Variants in EMB observed in about 807,000 individuals in gnomAD.
EMB encodes embigin homolog.
In EMB, 31 loss-of-function variants were observed where a neutral mutation model predicts 41.4. That is an observed-to-expected ratio of 0.75 (90% CI 0.56 to 1.01). The LOEUF is 1.01. EMB is among the 50% of genes least tolerant of loss of function. The pLI is 0.00. For synonymous variants in EMB, 137 were observed against 140.4 expected (o/e 0.98, Z 0.17); for missense variants, 379 against 388.3 (o/e 0.98, Z 0.20).
In EMB at chr5:50,405,834, T is replaced by C; in HGVS notation, c.491A>G (p.Lys164Arg). The C allele has an allele frequency of 1.3e-6, 2 of 1,585,616 alleles. No homozygotes were observed. Among genetic ancestry groups the C allele is most frequent in the Non-Finnish European group, 1.7e-6 (2 of 1,170,486 alleles). The change falls in exon 5 of 9, where the codon AAA becomes AGA. Residue 164 changes from lysine to arginine, a missense_variant. Physicochemically the swap from Lys to Arg is conservative, Grantham distance 26 (BLOSUM62 2). Coordinates refer to ENST00000303221, the MANE Select transcript of EMB (RefSeq NM_198449.3). ...FNFKVPELHG[K>R]NKPLISYVGD... is the part of the protein sequence containing the mutation. ...TACGTAAGAGATCAATGGCTTGTTT[T>C]TCCCATGAAGTTCAGGGACTGAGAA... is the stretch of plus-strand genomic sequence containing the variant.
intron 1 of EMB, among the ~76,000 whole-genome samples, chr5:50,430,441 G>GA (rs1178195384): frequency 2.0e-5 from 3 of 151,970 alleles, no homozygotes; most frequent in African/African-American, 4.8e-5. Flanking sequence ...ATAAACTAAA[G>GA]AAAAAATGCT....
intron 4 of EMB, among the ~76,000 whole-genome samples, chr5:50,409,274 C>T (rs1471977102): frequency 1.3e-5 from 2 of 151,956 alleles, no homozygotes; most frequent in Admixed American, 6.6e-5. Flanking sequence ...CAAGAATGGT[C>T]ACTTCCACAT....
At chr5:50,438,424 T>C (rs1305480434) in intron 1 of EMB, among the ~76,000 whole-genome samples, 3 of 152,218 alleles carry the variant, frequency 2.0e-5, no homozygotes, top group Non-Finnish European at 4.4e-5. Context: ...GAATCAGGGA[T>C]AGAAGAATTA....
At chr5:50,431,396 A>T (rs1430410639) in intron 1 of EMB, among the ~76,000 whole-genome samples, 1 of 152,168 alleles carries the variant, frequency 6.6e-6, no homozygotes, top group Non-Finnish European at 1.5e-5. Flanking sequence ...TTCAGCTAAC[A>T]TTGGGGTTTA....
intron 2 of EMB, chr5:50,411,589 T>A (rs942422592): frequency 1.1e-4 from 46 of 401,582 alleles, no homozygotes; most frequent in Admixed American, 1.7e-4. Flanking sequence ...GATTCAACAT[T>A]AACACAATTA....
chr5:50,418,207 T>C (rs928679719), intron 2 of EMB, among the ~76,000 whole-genome samples: 1 of 152,250 alleles, frequency 6.6e-6, no homozygotes, highest in African/African-American at 2.4e-5. Context: ...AGGAAAACTA[T>C]AGTAAATGGT....
At chr5:50,409,686 G>C (rs764682579) in intron 4 of EMB, among the ~76,000 whole-genome samples, 43 of 151,490 alleles carry the variant, frequency 2.8e-4, no homozygotes, top group Non-Finnish European at 4.9e-4. Context: ...GGAAAGAGGA[G>C]GGGAAGGGCA....
intron 2 of EMB, among the ~76,000 whole-genome samples, chr5:50,418,144 A>C (rs1361132054): frequency 6.6e-6 from 1 of 152,242 alleles, no homozygotes; most frequent in African/African-American, 2.4e-5. Flanking sequence ...CAATAATTAA[A>C]TATATTTTTC....
At chr5:50,440,526 T>A (rs1207211136) in intron 1 of EMB, among the ~76,000 whole-genome samples, 2 of 37,520 alleles carry the variant, frequency 5.3e-5, no homozygotes, top group Admixed American at 4.3e-4. Flanking sequence ...AGAGTAAAAC[T>A]CCGTCTCAAA....
At chr5:50,420,693 C>T (rs1745505686) in intron 2 of EMB, among the ~76,000 whole-genome samples, 1 of 152,214 alleles carries the variant, frequency 6.6e-6, no homozygotes, top group Non-Finnish European at 1.5e-5. Context: ...AAAGGGAAGT[C>T]TGCCATGTTC....
intron 6 of EMB, 103 bp from the exon 7 acceptor site, chr5:50,402,422 G>A: frequency 9.5e-7 from 1 of 1,055,378 alleles, no homozygotes; most frequent in Non-Finnish European, 1.5e-6. Flanking sequence ...GTACTATGCT[G>A]TTTCTCCTGT....
rs753256638 is a variant in EMB, at chr5:50,405,812, G to A, written c.513C>T (p.Tyr171=). 33 of 1,592,540 alleles carry A rather than the reference G, an allele frequency of 2.1e-5. No homozygotes were observed. The highest frequency in any genetic ancestry group is 6.7e-5 in the East Asian group (3 of 44,450). Residue 171 remains tyrosine (Y), a synonymous_variant, in exon 5 of 9, where the codon TAC becomes TAT. Coordinates refer to ENST00000303221, the MANE Select transcript of EMB (RefSeq NM_198449.3). ...LHGKNKPLIS[Y]VGDSTVLTCK... is the part of the protein sequence containing the mutation. ...ATGTCAAGACAGTAGAATCCCCTAC[G>A]TAAGAGATCAATGGCTTGTTTTTCC...
upstream of EMB, chr5:50,442,943 C>T (rs1425349197): frequency 6.6e-6 from 1 of 152,150 alleles, no homozygotes; most frequent in African/African-American, 2.4e-5. Flanking sequence ...ACCAGAAAAA[C>T]TTACTTACCC....
At chr5:50,413,384 C>A (rs1745376076) in intron 2 of EMB, among the ~76,000 whole-genome samples, 1 of 152,076 alleles carries the variant, frequency 6.6e-6, no homozygotes, top group Non-Finnish European at 1.5e-5. Flanking sequence ...ACCCCACTAC[C>A]TAGGATATAG....
chr5:50,404,001 C>T (rs937362665), intron 5 of EMB, among the ~76,000 whole-genome samples: 1 of 151,848 alleles, frequency 6.6e-6, no homozygotes, highest in Admixed American at 6.6e-5. Flanking sequence ...GCCTGGGATC[C>T]GAAGTGAACT....
intron 1 of EMB, among the ~76,000 whole-genome samples, chr5:50,432,129 G>T (rs761423508): frequency 2.6e-5 from 4 of 152,102 alleles, no homozygotes; most frequent in Non-Finnish European, 5.9e-5. Flanking sequence ...CTAGAAAACT[G>T]CATTGGGTCT....
At chr5:50,418,722 C>G (rs1477516330) in intron 2 of EMB, among the ~76,000 whole-genome samples, 1 of 152,206 alleles carries the variant, frequency 6.6e-6, no homozygotes, top group East Asian at 1.9e-4. Context: ...ATATCTTAAG[C>G]AGACTCTTCC....
chr5:50,403,496 A>C (rs767598314), intron 5 of EMB, 42 bp from the exon 6 acceptor site: 14 of 1,588,856 alleles, frequency 8.8e-6, no homozygotes, highest in East Asian at 6.7e-5. Context: ...ATCATAGCAC[A>C]TAAAAGATAC....
intron 2 of EMB, among the ~76,000 whole-genome samples, chr5:50,412,258 A>G (rs746577975): frequency 0.014 from 644 of 47,288 alleles, 3 homozygotes; most frequent in Admixed American, 0.016. Context: ...ACACACACAG[A>G]CACACACACA....
Sources: allele counts gnomAD v4.1 joint callset (sites outside exome capture counted in the v4.1 genomes callset), GRCh38; gene constraint gnomAD v4.1.1; transcripts MANE v1.5; gene names NCBI Gene and HGNC (gene_info 2026-07-23, HGNC 2026-07-21).